UBASH3B: variants seen among roughly 807,000 people sequenced by gnomAD.
UBASH3B encodes the protein ubiquitin associated and SH3 domain containing B.
A neutral mutation model predicts 83.4 loss-of-function variants in UBASH3B; 37 were observed. The ratio of observed to expected loss-of-function variants is 0.44; its 90% CI spans 0.34 to 0.58. UBASH3B has a LOEUF of 0.58. UBASH3B is among the 20% of genes least tolerant of loss of function. UBASH3B has a pLI of 0.01. For synonymous variants in UBASH3B, 304 were observed against 318.3 expected (o/e 0.96, Z 0.48); for missense variants, 657 against 827.2 (o/e 0.79, Z 2.52).
intron 10 of UBASH3B, among the ~76,000 whole-genome samples, chr11:122,800,731 C>T (rs1861243346): frequency 6.6e-6 from 1 of 151,934 alleles, no homozygotes; most frequent in African/African-American, 2.4e-5. Context: ...GCCTCAGCCT[C>T]CTGAGTGCTG....
At chr11:122,703,320 G>A (rs376222550) in intron 1 of UBASH3B, among the ~76,000 whole-genome samples, 3 of 151,968 alleles carry the variant, frequency 2.0e-5, no homozygotes, top group Non-Finnish European at 2.9e-5. Context: ...CCAGCTACTC[G>A]GGAGGCTGAG....
intron 3 of UBASH3B, among the ~76,000 whole-genome samples, chr11:122,777,670 T>C (rs1860762111): frequency 6.6e-6 from 1 of 152,180 alleles, no homozygotes; most frequent in Non-Finnish European, 1.5e-5. Flanking sequence ...GATATTTACT[T>C]GCCATTGTTA....
intron 1 of UBASH3B, among the ~76,000 whole-genome samples, chr11:122,756,953 G>A (rs577371973): frequency 1.2e-4 from 18 of 152,330 alleles, no homozygotes; most frequent in East Asian, 3.9e-4. Flanking sequence ...ACTTGCCTCC[G>A]CGGGTCTTAG....
chr11:122,741,387 C>T (rs377635852), intron 1 of UBASH3B, among the ~76,000 whole-genome samples: 1 of 152,234 alleles, frequency 6.6e-6, no homozygotes, highest in East Asian at 1.9e-4. Flanking sequence ...AAAAATAGCA[C>T]TCTTTGCATT....
chr11:122,792,975 G>A (rs1861086088), intron 6 of UBASH3B, among the ~76,000 whole-genome samples: 2 of 152,194 alleles, frequency 1.3e-5, no homozygotes, highest in African/African-American at 2.4e-5. Context: ...TAGATAGAAT[G>A]AGTCTATCAC....
chr11:122,805,069 C>T (rs12785299), intron 11 of UBASH3B, among the ~76,000 whole-genome samples: 16,943 of 152,210 alleles, frequency 0.11, 1,131 homozygotes, highest in Middle Eastern at 0.21. Flanking sequence ...CAAAGACATA[C>T]CTGGGACTGG....
intron 1 of UBASH3B, among the ~76,000 whole-genome samples, chr11:122,752,704 T>C (rs1861218180): frequency 6.6e-6 from 1 of 152,144 alleles, no homozygotes; most frequent in Non-Finnish European, 1.5e-5. Flanking sequence ...TGGAATGAAG[T>C]ATGATCCCAA....
At chr11:122,808,255 C>T (rs1001921879) in intron 13 of UBASH3B, 79 bp downstream of exon 13, 2 of 1,124,672 alleles carry the variant, frequency 1.8e-6, no homozygotes, top group African/African-American at 3.1e-5. Context: ...TTACCAAGTT[C>T]TTTGAAGCAT....
intron 4 of UBASH3B, among the ~76,000 whole-genome samples, chr11:122,781,359 GA>G (rs1188806593): frequency 6.6e-6 from 1 of 152,260 alleles, no homozygotes; most frequent in East Asian, 1.9e-4. Context: ...GTTATTGTCA[GA>G]ACCACTAAAT....
chr11:122,777,654 T>C (rs1291249008), intron 3 of UBASH3B, among the ~76,000 whole-genome samples: 1 of 152,170 alleles, frequency 6.6e-6, no homozygotes. Context: ...TTCTAGAGAA[T>C]GCAAAGATAT....
At chr11:122,725,155 A>C (rs1275789347) in intron 1 of UBASH3B, among the ~76,000 whole-genome samples, 1 of 150,776 alleles carries the variant, frequency 6.6e-6, no homozygotes, top group Non-Finnish European at 1.5e-5. Flanking sequence ...ATTTTACTAG[A>C]GACAGGGTTT....
chr11:122,793,376 T>C (rs1861094458), intron 6 of UBASH3B, among the ~76,000 whole-genome samples: 2 of 152,128 alleles, frequency 1.3e-5, no homozygotes, highest in African/African-American at 2.4e-5. Context: ...AGAGCAATAC[T>C]CCGTCTCTAA....
intron 1 of UBASH3B, among the ~76,000 whole-genome samples, chr11:122,687,915 A>G (rs1181331722): frequency 6.6e-6 from 1 of 152,170 alleles, no homozygotes; most frequent in African/African-American, 2.4e-5. Context: ...TAATGATATC[A>G]TAATAGTTGA....
chr11:122,728,446 G>A (rs1352889077), intron 1 of UBASH3B, among the ~76,000 whole-genome samples: 4 of 152,220 alleles, frequency 2.6e-5, no homozygotes, highest in Non-Finnish European at 5.9e-5. Flanking sequence ...TTGAGGAGCA[G>A]GAAGCTCATA....
chr11:122,696,620 T>C (rs1863968748), intron 1 of UBASH3B, among the ~76,000 whole-genome samples: 1 of 151,548 alleles, frequency 6.6e-6, no homozygotes, highest in Admixed American at 6.6e-5. Flanking sequence ...ACTACATTTC[T>C]AAATCTGTAT....
At chr11:122,682,913 A>G (rs1158985534) in intron 1 of UBASH3B, among the ~76,000 whole-genome samples, 2 of 152,236 alleles carry the variant, frequency 1.3e-5, no homozygotes, top group Non-Finnish European at 2.9e-5. Flanking sequence ...CTGTTTCATC[A>G]ATACCACCCA....
chr11:122,793,244 G>A (rs148873921), intron 6 of UBASH3B, among the ~76,000 whole-genome samples: 2,155 of 152,178 alleles, frequency 0.014, 45 homozygotes, highest in African/African-American at 0.045. Flanking sequence ...TTAGCCGGGC[G>A]TGGTGACGCA....
intron 3 of UBASH3B, among the ~76,000 whole-genome samples, chr11:122,778,930 T>G (rs1258300090): frequency 6.6e-6 from 1 of 152,198 alleles, no homozygotes; most frequent in African/African-American, 2.4e-5. Context: ...TGATAAAAAT[T>G]ATATACATTT....
chr11:122,694,923 T>C (rs944564335), intron 1 of UBASH3B, among the ~76,000 whole-genome samples: 2 of 150,514 alleles, frequency 1.3e-5, no homozygotes, highest in Admixed American at 6.6e-5. Flanking sequence ...TATTTTTATT[T>C]TATTTTATTT....
Sources: allele counts gnomAD v4.1 joint callset (sites outside exome capture counted in the v4.1 genomes callset), GRCh38; gene constraint gnomAD v4.1.1; transcripts MANE v1.5; gene names NCBI Gene and HGNC (gene_info 2026-07-23, HGNC 2026-07-21).